PHF14: variants seen among roughly 807,000 people sequenced by gnomAD.
The protein encoded by PHF14 is PHD finger protein 14.
In PHF14, 55 loss-of-function variants were observed where a neutral mutation model predicts 117.9. The ratio of observed to expected loss-of-function variants is 0.47; its 90% CI spans 0.38 to 0.58. PHF14 has a LOEUF of 0.58. PHF14 is among the 20% of genes least tolerant of loss of function. PHF14 has a pLI of 0.00. For missense variants in PHF14, 978 were observed against 1,122.2 expected, an observed-to-expected ratio of 0.87 and a Z score of 1.84; for synonymous variants, 409 against 368.6, an observed-to-expected ratio of 1.11 and a Z score of -1.26.
At chr7:11,032,346 T>G (rs1784147665) in intron 7 of PHF14, among the ~76,000 whole-genome samples, 1 of 152,182 alleles carries the variant, frequency 6.6e-6, no homozygotes, top group Non-Finnish European at 1.5e-5. Flanking sequence ...ATTTTACTAT[T>G]AAGATACCAG....
intron 4 of PHF14, among the ~76,000 whole-genome samples, chr7:11,005,134 T>C (rs1041010768): frequency 3.3e-5 from 5 of 152,146 alleles, no homozygotes; most frequent in African/African-American, 1.2e-4. Context: ...ATGATAAATC[T>C]GTGGGGTAAT....
chr7:11,120,953 G>C (rs932896895), intron 17 of PHF14, among the ~76,000 whole-genome samples: 1 of 152,060 alleles, frequency 6.6e-6, no homozygotes, highest in Non-Finnish European at 1.5e-5. Context: ...GACTATAAAG[G>C]CATATTTTTT....
chr7:11,004,663 A>G (rs1425384142), intron 4 of PHF14, among the ~76,000 whole-genome samples: 1 of 151,448 alleles, frequency 6.6e-6, no homozygotes, highest in African/African-American at 2.4e-5. Flanking sequence ...TTTTCTTGTG[A>G]TTAGATTCAG....
At chr7:11,091,236 ATAAT>A (rs1295403725) in intron 16 of PHF14, among the ~76,000 whole-genome samples, 4 of 152,314 alleles carry the variant, frequency 2.6e-5, no homozygotes, top group East Asian at 1.9e-4. Context: ...GTTGTAGCAG[ATAAT>A]TAATGAAAAA....
rs1781781620 is a variant in PHF14, at chr7:10,974,192, C to T, written c.-132C>T. ...TACTCTTGGGAGCGCCCCTGTCCGG[C>T]TGGCTGCGCGCCGGTTTTAAATAGC... On this transcript the variant is annotated 5_prime_UTR_variant, in exon 1 of 18. Coordinates refer to ENST00000634607, the MANE Select transcript of PHF14 (RefSeq NM_001007157.2). 1.3e-6 allele frequency: 1 copy of T among 792,980 alleles called. No individual in the cohort carries two copies. Among genetic ancestry groups the T allele is most frequent in the South Asian group, 1.5e-5 (1 of 67,296 alleles). 49.1% of individuals were successfully genotyped at this position (792,980 alleles called of 1,614,324 possible). A position where few individuals can be genotyped will look rare whatever the true frequency, so the allele number is the denominator to read the frequency against.
chr7:11,135,578 A>AT (rs1291237867), intron 17 of PHF14, among the ~76,000 whole-genome samples: 1 of 151,958 alleles, frequency 6.6e-6, no homozygotes, highest in Admixed American at 6.6e-5. Flanking sequence ...ATTTTTGTGT[A>AT]TTTTTTTACA....
Position 11,130,612 on chromosome 7 carries a change from T to C in PHF14, c.2772+19145T>C, listed in dbSNP as rs1027122379. Among the ~76,000 whole-genome samples the C allele has an allele frequency of 3.3e-5, 5 of 152,032 alleles. No individual in the cohort carries two copies. Among genetic ancestry groups the C allele is most frequent in the Non-Finnish European group, 7.4e-5 (5 of 67,944 alleles). On this transcript the variant is annotated intron_variant, in intron 17 of 17. Coordinates refer to ENST00000634607, the MANE Select transcript of PHF14 (RefSeq NM_001007157.2). The surrounding 1 kb of genome is among the most constrained non-coding windows in gnomAD (Gnocchi z 4.2). ...TTCCTCCTTCCCCTAGTTTCCTCTG[T>C]TACCATCTTGCATTCATGTGGTACA...
intron 13 of PHF14, among the ~76,000 whole-genome samples, chr7:11,049,912 T>C (rs1482389254): frequency 6.6e-6 from 1 of 152,202 alleles, no homozygotes; most frequent in Non-Finnish European, 1.5e-5. Context: ...AGTGTAGCAA[T>C]AGATACATAA....
chr7:11,081,433 C>G (rs774830427), intron 16 of PHF14, among the ~76,000 whole-genome samples: 4 of 152,170 alleles, frequency 2.6e-5, no homozygotes, highest in African/African-American at 4.8e-5. Context: ...CCTGGTATTA[C>G]AAGAGTGGTT....
chr7:11,071,381 C>A, intron 16 of PHF14: 2 of 433,416 alleles, frequency 4.6e-6, no homozygotes, highest in Non-Finnish European at 4.6e-6. Context: ...ATTTTTCTTG[C>A]TTAAATATCT....
Position 10,983,107 on chromosome 7 carries a change from A to T in PHF14, c.848A>T (p.Asp283Val). The change falls in exon 3 of 18, where the codon GAT becomes GTT. Residue 283 changes from aspartate (D) to valine (V), a missense_variant. Transcript: ENST00000634607. ...GTTCTTAGCAGAAACAGTGCTGATG[A>T]TGAGGAACTGACCAATGATAGCCTG... ...SKVLSRNSADDEELTNDSLTL... is the reference protein window; with the variant it reads ...SKVLSRNSADVEELTNDSLTL... 1 of 1,599,320 alleles carries T rather than the reference A, an allele frequency of 6.3e-7. No individual in the cohort carries two copies. Among genetic ancestry groups the T allele is most frequent in the Non-Finnish European group, 8.5e-7 (1 of 1,179,646 alleles).
chr7:11,099,500 C>G (rs959754953), intron 16 of PHF14, among the ~76,000 whole-genome samples: 2 of 152,030 alleles, frequency 1.3e-5, no homozygotes, highest in African/African-American at 4.8e-5. Flanking sequence ...TTTCAAGCAC[C>G]TACAGCAGTG....
At chr7:11,031,283 C>G (rs926796089) in intron 7 of PHF14, among the ~76,000 whole-genome samples, 4 of 151,824 alleles carry the variant, frequency 2.6e-5, no homozygotes, top group Non-Finnish European at 5.9e-5. Flanking sequence ...TTTGTATAGC[C>G]TTCTGACATA....
intron 17 of PHF14, among the ~76,000 whole-genome samples, chr7:11,136,878 TA>T (rs934723183): frequency 5.3e-5 from 8 of 152,036 alleles, no homozygotes; most frequent in South Asian, 2.1e-4. Context: ...TTTAATTACT[TA>T]AAAAAAATTA....
chr7:11,030,583 A>G (rs1278961919), intron 7 of PHF14, among the ~76,000 whole-genome samples: 1 of 152,188 alleles, frequency 6.6e-6, no homozygotes, highest in Non-Finnish European at 1.5e-5. Context: ...TAAACATAAT[A>G]TTAAGCTACA....
intron 4 of PHF14, chr7:11,006,754 T>A: frequency 1.4e-6 from 1 of 705,664 alleles, no homozygotes; most frequent in East Asian, 2.8e-5. Flanking sequence ...GACATGCGGA[T>A]CTTCTTTTTT....
At chr7:10,985,638 GTTTTTTTTTTTTTTTTT>G (rs61250143) in intron 3 of PHF14, among the ~76,000 whole-genome samples, 20 of 45,962 alleles carry the variant, frequency 4.4e-4, no homozygotes, top group Non-Finnish European at 6.0e-4. Flanking sequence ...TTCTCAAACT[GTTTTTTTTTTTTTTTTT>G]TTTTTTTTTT....
At chr7:10,994,583 G>T (rs1439444649) in intron 4 of PHF14, among the ~76,000 whole-genome samples, 3 of 152,162 alleles carry the variant, frequency 2.0e-5, no homozygotes, top group African/African-American at 7.2e-5. Context: ...GCAGATTCCG[G>T]TACTGATTTT....
rs554867624 is a variant in PHF14 at position 10,974,200 on chromosome 7, G to T, written c.-124G>T. On this transcript the variant is annotated 5_prime_UTR_variant, in exon 1 of 18. Transcript: ENST00000634607. ...GGAGCGCCCCTGTCCGGCTGGCTGC[G>T]CGCCGGTTTTAAATAGCATCTTTCG... 3.6e-6 allele frequency: 3 copies of T among 836,006 alleles called. No homozygotes were observed. In the East Asian group the frequency reaches 8.1e-5, roughly 22 times the overall value. The allele number at this position is 836,006 out of a possible 1,614,324, so 51.8% of individuals were successfully genotyped here.
Sources: allele counts gnomAD v4.1 joint callset (sites outside exome capture counted in the v4.1 genomes callset), GRCh38; gene constraint gnomAD v4.1.1; non-coding constraint Gnocchi (gnomAD v3.1); transcripts MANE v1.5; gene names NCBI Gene and HGNC (gene_info 2026-07-23, HGNC 2026-07-21).